FAR2: variants seen among roughly 807,000 people sequenced by gnomAD.
FAR2 encodes fatty acyl-CoA reductase 2, also known as epididymis secretory protein Li 81.
Under a neutral mutation model 56.0 loss-of-function variants are expected in FAR2, and 19 were observed. That is an observed-to-expected ratio of 0.34 (90% CI 0.24 to 0.50). The LOEUF is 0.50. FAR2 is among the 20% of genes least tolerant of loss of function. The probability of loss-of-function intolerance (pLI) is 0.98; values close to 1 mark genes in which losing one functional copy is unlikely to be tolerated. For synonymous variants in FAR2, 219 were observed against 218.8 expected, an observed-to-expected ratio of 1.00 and a Z score of -0.01; for missense variants, 508 against 642.2, an observed-to-expected ratio of 0.79 and a Z score of 2.26.
chr12:29,271,900 G>T (rs972092762), intron 2 of FAR2, among the ~76,000 whole-genome samples: 18 of 152,152 alleles, frequency 1.2e-4, no homozygotes, highest in Middle Eastern at 3.2e-3. Flanking sequence ...CTTACCAAAG[G>T]TCTTCTACCT....
chr12:29,251,003 T>C (rs1948200414), intron 1 of FAR2, among the ~76,000 whole-genome samples: 1 of 152,202 alleles, frequency 6.6e-6, no homozygotes, highest in South Asian at 2.1e-4. Context: ...GTGGGCATGT[T>C]ACTGTAATGA....
chr12:29,269,212 G>A (rs190703994), intron 1 of FAR2, among the ~76,000 whole-genome samples: 5 of 152,132 alleles, frequency 3.3e-5, no homozygotes, highest in African/African-American at 4.8e-5. Flanking sequence ...ACCTTGGGGG[G>A]GCCGTTCATA....
chr12:29,236,214 C>A (rs1029575120), intron 1 of FAR2, among the ~76,000 whole-genome samples: 1 of 152,112 alleles, frequency 6.6e-6, no homozygotes, highest in Non-Finnish European at 1.5e-5. Context: ...AGGAAATCTT[C>A]TTTTGTAGAA....
intron 1 of FAR2, among the ~76,000 whole-genome samples, chr12:29,224,615 C>T (rs7957101): frequency 0.4 from 60,298 of 151,526 alleles, 13,681 homozygotes; most frequent in Admixed American, 0.54. Context: ...CTCAGAAGGC[C>T]GATGGTTCTA....
chr12:29,276,658 C>G (rs1948707553), intron 2 of FAR2, among the ~76,000 whole-genome samples: 1 of 152,120 alleles, frequency 6.6e-6, no homozygotes, highest in Non-Finnish European at 1.5e-5. Flanking sequence ...GGATAAAGCT[C>G]TGTGCAAATA....
intron 1 of FAR2, among the ~76,000 whole-genome samples, chr12:29,219,406 G>T (rs1461524018): frequency 6.6e-6 from 1 of 152,134 alleles, no homozygotes; most frequent in African/African-American, 2.4e-5. Flanking sequence ...CATAACATAG[G>T]TGGTATTTAT....
At chr12:29,236,759 A>C (rs1464443791) in intron 1 of FAR2, among the ~76,000 whole-genome samples, 1 of 151,032 alleles carries the variant, frequency 6.6e-6, no homozygotes, top group Non-Finnish European at 1.5e-5. Flanking sequence ...GACACAGAGC[A>C]AAATTATATC....
intron 1 of FAR2, among the ~76,000 whole-genome samples, chr12:29,199,534 AGCTT>A (rs1947377768): frequency 6.7e-6 from 1 of 149,140 alleles, no homozygotes; most frequent in Non-Finnish European, 1.5e-5. Flanking sequence ...CGGGAGGCGG[AGCTT>A]GCAGTGAGCC....
intron 11 of FAR2, chr12:29,333,136 T>C (rs781295367): frequency 2.3e-4 from 77 of 334,488 alleles, no homozygotes; most frequent in Non-Finnish European, 4.0e-4. Context: ...TTTTCAACTT[T>C]CTTAAATTTC....
At chr12:29,228,877 C>T (rs774165524) in intron 1 of FAR2, among the ~76,000 whole-genome samples, 41 of 152,290 alleles carry the variant, frequency 2.7e-4, no homozygotes, top group Admixed American at 3.9e-4. Context: ...CATGAGTTGC[C>T]GTGCCCAGCC....
In FAR2 at chr12:29,196,653, C is replaced by T. The variant is rs112750931; in HGVS notation, c.-39+47246C>T. On this transcript the variant is annotated intron_variant, in intron 1 of 11. Transcript: ENST00000536681. The stretch of plus-strand genomic sequence containing the variant: ...GACCTACATGTAAGACATGAAACTA[C>T]AAAAATACTAGAAGAAAACTTAGGA... Among the ~76,000 whole-genome samples, 548 of 151,998 alleles carry T rather than the reference C, an allele frequency of 3.6e-3. 4 individuals are homozygous for T. Among genetic ancestry groups the T allele is most frequent in the African/African-American group, 0.013 (523 of 41,468 alleles).
intron 4 of FAR2, among the ~76,000 whole-genome samples, chr12:29,304,410 C>G (rs1301124795): frequency 6.6e-6 from 1 of 152,134 alleles, no homozygotes; most frequent in African/African-American, 2.4e-5. Context: ...GGGAGACAGA[C>G]ACATAAGCAA....
intron 1 of FAR2, among the ~76,000 whole-genome samples, chr12:29,193,739 T>G (rs778088072): frequency 1.3e-5 from 2 of 152,204 alleles, no homozygotes; most frequent in Non-Finnish European, 2.9e-5. Flanking sequence ...TGGACATAAA[T>G]TTTCACCTCT....
intron 1 of FAR2, among the ~76,000 whole-genome samples, chr12:29,166,381 G>A (rs966214685): frequency 6.6e-6 from 1 of 152,148 alleles, no homozygotes; most frequent in Admixed American, 6.5e-5. Flanking sequence ...GTGAGTCCCT[G>A]AGTAACCTTG....
At chr12:29,311,284 T>G (rs1591958302) in intron 7 of FAR2, 138 bp downstream of exon 7, 1 of 634,748 alleles carries the variant, frequency 1.6e-6, no homozygotes, top group East Asian at 2.5e-5. Flanking sequence ...TTTATAGAGT[T>G]CCTAATATGC....
intron 8 of FAR2, 65 bp from the exon 9 acceptor site, chr12:29,316,776 C>A: frequency 6.6e-7 from 1 of 1,504,366 alleles, no homozygotes; most frequent in Non-Finnish European, 9.1e-7. Context: ...ATTACAAATG[C>A]TTTCCACTAT....
At chr12:29,318,927 G>A (rs1179697240) in intron 9 of FAR2, among the ~76,000 whole-genome samples, 1 of 152,076 alleles carries the variant, frequency 6.6e-6, no homozygotes, top group Non-Finnish European at 1.5e-5. Context: ...CTAAGGAAGA[G>A]ACTGTCAATT....
intron 1 of FAR2, among the ~76,000 whole-genome samples, chr12:29,222,904 G>C (rs1015164740): frequency 5.3e-5 from 8 of 152,186 alleles, no homozygotes; most frequent in Admixed American, 5.2e-4. Context: ...GACGCCAGCT[G>C]TCTTCATAAG....
chr12:29,262,089 A>G (rs1948428881), intron 1 of FAR2, among the ~76,000 whole-genome samples: 1 of 152,248 alleles, frequency 6.6e-6, no homozygotes, highest in Non-Finnish European at 1.5e-5. Context: ...CCAATCACAA[A>G]TAATAACTCC....
Sources: allele counts gnomAD v4.1 joint callset (sites outside exome capture counted in the v4.1 genomes callset), GRCh38; gene constraint gnomAD v4.1.1; transcripts MANE v1.5; gene names NCBI Gene and HGNC (gene_info 2026-07-23, HGNC 2026-07-21).